The following NRXN3 variants were observed in gnomAD, a reference collection of about 807,000 sequenced individuals.
The protein encoded by NRXN3 is neurexin III.
A neutral mutation model predicts 137.6 loss-of-function variants in NRXN3; 32 were observed. That is an observed-to-expected ratio of 0.23 (90% CI 0.18 to 0.31). NRXN3 has a LOEUF of 0.31. NRXN3 is among the 10% of genes least tolerant of loss of function. NRXN3 has a pLI of 1.00. For missense variants in NRXN3, 1,574 were observed against 2,062.5 expected (o/e 0.76, Z 4.59); for synonymous variants, 798 against 784.5 (o/e 1.02, Z -0.29).
intron 4 of NRXN3, among the ~76,000 whole-genome samples, chr14:78,467,017 C>T (rs1229733045): frequency 6.6e-6 from 1 of 152,124 alleles, no homozygotes; most frequent in African/African-American, 2.4e-5. Flanking sequence ...TATTTGGATC[C>T]ACCTATGACC....
chr14:79,026,764 G>A (rs1271739915), intron 15 of NRXN3, among the ~76,000 whole-genome samples: 1 of 151,526 alleles, frequency 6.6e-6, no homozygotes, highest in African/African-American at 2.4e-5. Context: ...ACAATTTGTG[G>A]GCCCATCAGC....
intron 10 of NRXN3, among the ~76,000 whole-genome samples, chr14:78,936,881 T>C (rs1394227070): frequency 1.3e-5 from 2 of 152,004 alleles, no homozygotes; most frequent in Admixed American, 6.5e-5. Flanking sequence ...TCATCAAAGA[T>C]GTAGGATGGC....
At chr14:78,571,052 T>C (rs1309295573) in intron 4 of NRXN3, among the ~76,000 whole-genome samples, 1 of 152,216 alleles carries the variant, frequency 6.6e-6, no homozygotes, top group Non-Finnish European at 1.5e-5. Context: ...TATCCTGTGA[T>C]GTTGGCCTCA....
At chr14:78,546,507 G>GT (rs528501056) in intron 4 of NRXN3, among the ~76,000 whole-genome samples, 62 of 152,134 alleles carry the variant, frequency 4.1e-4, no homozygotes, top group Non-Finnish European at 7.5e-4. Flanking sequence ...TTAGATGTCT[G>GT]TTTTTAACTT....
intron 4 of NRXN3, among the ~76,000 whole-genome samples, chr14:78,614,333 C>G (rs1313679344): frequency 6.6e-6 from 1 of 152,056 alleles, no homozygotes; most frequent in Non-Finnish European, 1.5e-5. Context: ...CAAAATAAAA[C>G]AAAATTGGCT....
At chr14:79,504,621 C>G (rs1432919874) in intron 16 of NRXN3, among the ~76,000 whole-genome samples, 1 of 113,876 alleles carries the variant, frequency 8.8e-6, no homozygotes, top group Admixed American at 9.1e-5. Flanking sequence ...GTATAAACTT[C>G]CATTATAAAA....
Position 79,641,719 on chromosome 14 carries a change from TC to T in NRXN3, c.3445-22056del, listed in dbSNP as rs771604461. On this transcript the variant is annotated intron_variant, in intron 16 of 20. Coordinates refer to ENST00000335750, the MANE Select transcript of NRXN3 (RefSeq NM_001330195.2). ...GTACATTTCTGCAGCACACAAAGGC[TC>T]CCTCCAAATGCAGCAATTCCTTCCT... is the stretch of plus-strand genomic sequence containing the variant. Among the ~76,000 whole-genome samples, 45 of 135,218 alleles carry T rather than the reference TC, an allele frequency of 3.3e-4. 7 individuals carry two copies. The highest frequency in any genetic ancestry group is 3.9e-3 in the Middle Eastern group (1 of 258). The allele number at this position is 135,218 out of a possible 152,430, so 88.7% of individuals were successfully genotyped here. A position where few individuals can be genotyped will look rare whatever the true frequency, so the allele number is the denominator to read the frequency against.
chr14:78,584,801 A>T (rs2097044436), intron 4 of NRXN3, among the ~76,000 whole-genome samples: 1 of 152,218 alleles, frequency 6.6e-6, no homozygotes, highest in Non-Finnish European at 1.5e-5. Context: ...GCGTCAAATC[A>T]TCCATCATTT....
chr14:79,256,158 C>G (rs2076549086), intron 15 of NRXN3, among the ~76,000 whole-genome samples: 1 of 150,860 alleles, frequency 6.6e-6, no homozygotes, highest in African/African-American at 2.5e-5. Context: ...GTCTGTCTCT[C>G]TGTCTCTCTC....
At chr14:78,190,302 C>T (rs905376829) in intron 1 of NRXN3, among the ~76,000 whole-genome samples, 2 of 152,180 alleles carry the variant, frequency 1.3e-5, no homozygotes, top group African/African-American at 4.8e-5. Context: ...AATACCTGTG[C>T]CATGTGCATT....
intron 1 of NRXN3, among the ~76,000 whole-genome samples, chr14:78,191,360 C>T (rs553184166): frequency 3.9e-5 from 6 of 152,268 alleles, no homozygotes; most frequent in African/African-American, 1.4e-4. Flanking sequence ...CGGTATACCC[C>T]TTTACAAGTG....
intron 4 of NRXN3, among the ~76,000 whole-genome samples, chr14:78,628,574 G>A (rs1382717614): frequency 6.6e-6 from 1 of 152,200 alleles, no homozygotes; most frequent in African/African-American, 2.4e-5. Context: ...AAGCCTTCAA[G>A]TAACACACAG....
At chr14:78,673,448 A>T (rs1276311728) in intron 6 of NRXN3, among the ~76,000 whole-genome samples, 1 of 152,178 alleles carries the variant, frequency 6.6e-6, no homozygotes, top group Non-Finnish European at 1.5e-5. Context: ...CTTGGAGGTT[A>T]TAGGAGTCAG....
In NRXN3 at chr14:79,415,891, T is replaced by C. The variant is rs112925112; in HGVS notation, c.3263-51330T>C. Among the ~76,000 whole-genome samples, 439 of 152,224 alleles carry C rather than the reference T, an allele frequency of 2.9e-3. 4 individuals carry two copies. Among genetic ancestry groups the C allele is most frequent in the African/African-American group, 9.8e-3 (407 of 41,558 alleles). On this transcript the variant is annotated intron_variant, in intron 15 of 20. Coordinates refer to ENST00000335750, the MANE Select transcript of NRXN3 (RefSeq NM_001330195.2). Reference sequence around the variant, plus strand: ...ACCAGAGAACTCATGCCTGATATACTGAATTGGAATCTGCATTTAACAGAT... The same window carrying C: ...ACCAGAGAACTCATGCCTGATATACCGAATTGGAATCTGCATTTAACAGAT...
intron 4 of NRXN3, among the ~76,000 whole-genome samples, chr14:78,636,684 A>G (rs1566944577): frequency 6.6e-6 from 1 of 152,174 alleles, no homozygotes. Context: ...AGAAACGAAT[A>G]CTGAAAGAAG....
intron 4 of NRXN3, among the ~76,000 whole-genome samples, chr14:78,641,007 A>G (rs1448698498): frequency 1.3e-5 from 2 of 152,160 alleles, no homozygotes; most frequent in Admixed American, 6.5e-5. Context: ...TTCTCCACCT[A>G]TTTAGCTTGA....
At chr14:78,180,807 G>C (rs977011280) in intron 1 of NRXN3, among the ~76,000 whole-genome samples, 6 of 152,184 alleles carry the variant, frequency 3.9e-5, no homozygotes, top group African/African-American at 1.4e-4. Context: ...GGCAACTCAG[G>C]CCCAGCCTCT....
intron 14 of NRXN3, among the ~76,000 whole-genome samples, chr14:78,987,727 T>G (rs779587533): frequency 1.9e-4 from 29 of 152,108 alleles, no homozygotes; most frequent in Non-Finnish European, 3.2e-4. Context: ...ATCTTTCTAG[T>G]TGAAAGGTAG....
At chr14:79,451,925 C>T (rs1416825634) in intron 15 of NRXN3, among the ~76,000 whole-genome samples, 4 of 151,858 alleles carry the variant, frequency 2.6e-5, no homozygotes, top group Admixed American at 2.6e-4. Flanking sequence ...GGAAGCAGAC[C>T]CAGCGTTCAA....
Sources: allele counts gnomAD v4.1 joint callset (sites outside exome capture counted in the v4.1 genomes callset), GRCh38; gene constraint gnomAD v4.1.1; transcripts MANE v1.5; gene names NCBI Gene and HGNC (gene_info 2026-07-23, HGNC 2026-07-21).